NELL2: variants seen among roughly 807,000 people sequenced by gnomAD.
The protein encoded by NELL2 is neural EGFL like 2, also known as protein kinase C-binding protein NELL2.
A neutral mutation model predicts 109.6 loss-of-function variants in NELL2; 41 were observed. That is an observed-to-expected ratio of 0.37 (90% CI 0.29 to 0.49). The LOEUF is 0.49. Ranked by LOEUF, NELL2 falls within the 20% of genes least tolerant of loss-of-function variation. The pLI, the probability that NELL2 is intolerant of heterozygous loss-of-function variation, is 0.98. For synonymous variants in NELL2, 355 were observed against 344.7 expected (o/e 1.03, Z -0.33); for missense variants, 900 against 1,008.3 (o/e 0.89, Z 1.45).
chr12:44,882,046 A>C (rs1592701382), intron 1 of NELL2, among the ~76,000 whole-genome samples: 1 of 151,992 alleles, frequency 6.6e-6, no homozygotes, highest in African/African-American at 2.4e-5. Context: ...CTTCAGGAAT[A>C]AATATGAAAG....
chr12:44,903,489 A>G (rs1289786918), intron 1 of NELL2, among the ~76,000 whole-genome samples: 1 of 152,200 alleles, frequency 6.6e-6, no homozygotes, highest in African/African-American at 2.4e-5. Context: ...GCGATTCCTC[A>G]AGGACCTAGA....
intron 15 of NELL2, among the ~76,000 whole-genome samples, chr12:44,574,075 T>C (rs1175473193): frequency 1.3e-5 from 2 of 152,026 alleles, no homozygotes; most frequent in Non-Finnish European, 2.9e-5. Flanking sequence ...ATTTTTATTT[T>C]TTTTTTGAGA....
chr12:44,771,302 G>A (rs1228785331), intron 9 of NELL2, among the ~76,000 whole-genome samples: 2 of 151,006 alleles, frequency 1.3e-5, no homozygotes, highest in Admixed American at 6.6e-5. Flanking sequence ...GCAACTGGTC[G>A]ATAAAAGTAG....
chr12:44,534,985 C>T (rs532691850), intron 15 of NELL2, among the ~76,000 whole-genome samples: 3 of 151,944 alleles, frequency 2.0e-5, no homozygotes, highest in Non-Finnish European at 4.4e-5. Flanking sequence ...ACTCCTTTAC[C>T]GGGCCCACTC....
chr12:44,740,641 A>G (rs1939904821), intron 9 of NELL2, among the ~76,000 whole-genome samples: 3 of 152,136 alleles, frequency 2.0e-5, no homozygotes, highest in Admixed American at 2.0e-4. Flanking sequence ...AAAAAGTATA[A>G]ATTCAAGAGG....
chr12:44,641,355 A>C (rs1946846799), intron 13 of NELL2, among the ~76,000 whole-genome samples: 1 of 152,206 alleles, frequency 6.6e-6, no homozygotes, highest in Non-Finnish European at 1.5e-5. Flanking sequence ...AATCAAATGT[A>C]ATTCATGATA....
chr12:44,874,181 GT>G (rs1414849062), intron 2 of NELL2, among the ~76,000 whole-genome samples: 1 of 152,056 alleles, frequency 6.6e-6, no homozygotes, highest in East Asian at 1.9e-4. Context: ...TTCCGAAGTG[GT>G]TTCCTTTTGC....
At position 44,637,633 on chromosome 12, in the gene NELL2, G is replaced by A. The variant is rs1462604730; in HGVS notation, c.1445-26663C>T. 2.7e-5 allele frequency among the ~76,000 whole-genome samples: 4 copies of A among 148,934 alleles called. 1 individual carries two copies. Among genetic ancestry groups the A allele is most frequent in the South Asian group, 4.3e-4 (2 of 4,624 alleles). On this transcript the variant is annotated intron_variant, in intron 13 of 19. Transcript: ENST00000429094. The stretch of plus-strand genomic sequence containing the variant: ...AAATTGTTACAAACAGAGGGAATAC[G>A]CGTGTAAAGACCTAACTGCGGGAAA...
At chr12:44,901,245 A>G (rs1315365573) in intron 1 of NELL2, among the ~76,000 whole-genome samples, 1 of 152,158 alleles carries the variant, frequency 6.6e-6, no homozygotes, top group Admixed American at 6.5e-5. Flanking sequence ...AGAAATACAA[A>G]CTACCATCAG....
intron 13 of NELL2, among the ~76,000 whole-genome samples, chr12:44,663,415 T>A (rs1027713893): frequency 6.6e-6 from 1 of 152,116 alleles, no homozygotes; most frequent in Admixed American, 6.5e-5. Context: ...AGCATAGAAA[T>A]AGTGGTGTTA....
intron 3 of NELL2, among the ~76,000 whole-genome samples, chr12:44,808,908 A>C (rs1332683492): frequency 6.6e-6 from 1 of 152,056 alleles, no homozygotes; most frequent in African/African-American, 2.4e-5. Flanking sequence ...ATTAATACAG[A>C]AGATGATGAC....
At chr12:44,850,514 A>G (rs1322226864) in intron 2 of NELL2, among the ~76,000 whole-genome samples, 2 of 152,162 alleles carry the variant, frequency 1.3e-5, no homozygotes, top group Non-Finnish European at 2.9e-5. Context: ...AAATTGTTAT[A>G]ATTTAATTTT....
chr12:44,833,411 C>T (rs1943946830), intron 2 of NELL2, among the ~76,000 whole-genome samples: 1 of 152,132 alleles, frequency 6.6e-6, no homozygotes, highest in African/African-American at 2.4e-5. Context: ...CAGTGTACTA[C>T]TTTGTGCTGC....
At chr12:44,816,473 T>G (rs984060208) in intron 2 of NELL2, among the ~76,000 whole-genome samples, 1 of 152,126 alleles carries the variant, frequency 6.6e-6, no homozygotes, top group African/African-American at 2.4e-5. Flanking sequence ...CACAGCAACA[T>G]CAGTGTCAAC....
chr12:44,523,244 A>T (rs750590443), intron 17 of NELL2, 47 bp downstream of exon 17: 1 of 1,596,910 alleles, frequency 6.3e-7, no homozygotes, highest in Non-Finnish European at 8.6e-7. Context: ...AAACATATGC[A>T]AATTACAACT....
At chr12:44,769,011 A>AG (rs1208916115) in intron 9 of NELL2, among the ~76,000 whole-genome samples, 2 of 152,078 alleles carry the variant, frequency 1.3e-5, no homozygotes, top group Non-Finnish European at 2.9e-5. Flanking sequence ...AAACAAAAAA[A>AG]AATTATTGGT....
chr12:44,767,222 G>C (rs1261067280), intron 9 of NELL2, among the ~76,000 whole-genome samples: 2 of 152,282 alleles, frequency 1.3e-5, no homozygotes, highest in Admixed American at 1.3e-4. Context: ...AACATTGTTT[G>C]TGGTAAAATA....
intron 8 of NELL2, among the ~76,000 whole-genome samples, chr12:44,775,784 G>A (rs1306637548): frequency 3.3e-5 from 5 of 152,178 alleles, no homozygotes; most frequent in Non-Finnish European, 7.4e-5. Context: ...CTAACTTCAT[G>A]TGTGTACCAA....
chr12:44,691,261 G>A (rs1158953137), intron 12 of NELL2, among the ~76,000 whole-genome samples: 1 of 152,068 alleles, frequency 6.6e-6, no homozygotes, highest in Non-Finnish European at 1.5e-5. Context: ...TCACGTTTTG[G>A]AAATTCCCAT....
Sources: allele counts gnomAD v4.1 joint callset (sites outside exome capture counted in the v4.1 genomes callset), GRCh38; gene constraint gnomAD v4.1.1; transcripts MANE v1.5; gene names NCBI Gene and HGNC (gene_info 2026-07-23, HGNC 2026-07-21).